EML6: variants seen among roughly 807,000 people sequenced by gnomAD.
EML6 encodes the protein echinoderm microtubule-associated protein-like 6.
A neutral mutation model predicts 240.1 loss-of-function variants in EML6; 154 were observed. That is an observed-to-expected ratio of 0.64 (90% CI 0.56 to 0.73). The LOEUF (loss-of-function observed/expected upper bound fraction) is 0.73. EML6 is among the 30% of genes least tolerant of loss of function. EML6 has a pLI of 0.00. For missense variants in EML6, 2,964 were observed against 2,474.6 expected (o/e 1.20, Z -4.20); for synonymous variants, 1,148 against 899.0 (o/e 1.28, Z -4.95).
chr2:54,853,153 C>G (rs575422204), intron 10 of EML6, among the ~76,000 whole-genome samples: 1 of 152,150 alleles, frequency 6.6e-6, no homozygotes, highest in Admixed American at 6.5e-5. Flanking sequence ...AATAGAAGTT[C>G]AGGATGAACT....
intron 22 of EML6, among the ~76,000 whole-genome samples, chr2:54,900,724 A>T (rs1673011244): frequency 6.6e-6 from 1 of 152,208 alleles, no homozygotes; most frequent in African/African-American, 2.4e-5. Flanking sequence ...AGTCAACCTG[A>T]AACCAGAGGA....
At chr2:54,925,531 C>T (rs941258787) in intron 26 of EML6, among the ~76,000 whole-genome samples, 4 of 152,184 alleles carry the variant, frequency 2.6e-5, no homozygotes, top group African/African-American at 9.6e-5. Context: ...TATCTTGGCT[C>T]TTTTTCTCAT....
intron 24 of EML6, among the ~76,000 whole-genome samples, chr2:54,909,471 G>A (rs933866191): frequency 6.6e-6 from 1 of 152,202 alleles, no homozygotes; most frequent in South Asian, 2.1e-4. Context: ...CACCAAATTA[G>A]AAATGATTAA....
intron 13 of EML6, among the ~76,000 whole-genome samples, chr2:54,864,358 TTAAAG>T (rs1302673249): frequency 2.0e-5 from 3 of 152,200 alleles, no homozygotes; most frequent in Non-Finnish European, 2.9e-5. Flanking sequence ...AATTATCTAC[TTAAAG>T]TAAAAGCTCA....
chr2:54,818,803 C>A (rs942194498), intron 4 of EML6, among the ~76,000 whole-genome samples: 3 of 152,150 alleles, frequency 2.0e-5, no homozygotes, highest in African/African-American at 7.2e-5. Flanking sequence ...ATTTGGAACA[C>A]TGTTCTCCCA....
At chr2:54,938,956 C>G (rs1046747687) in intron 28 of EML6, among the ~76,000 whole-genome samples, 118 of 152,172 alleles carry the variant, frequency 7.8e-4, no homozygotes, top group African/African-American at 2.8e-3. Context: ...CAGGGTTACA[C>G]GTAAAGCTCT....
At chr2:54,812,363 G>A (rs1277013392) in intron 2 of EML6, among the ~76,000 whole-genome samples, 4 of 151,758 alleles carry the variant, frequency 2.6e-5, no homozygotes, top group African/African-American at 9.7e-5. Context: ...GTGTTAAGCA[G>A]ATACTGAAAA....
At chr2:54,820,499 T>C in intron 5 of EML6, 37 bp downstream of exon 5, 1 of 1,238,166 alleles carries the variant, frequency 8.1e-7, no homozygotes, top group Non-Finnish European at 1.1e-6. Flanking sequence ...GTACCTTGAG[T>C]GCAAATAATT....
intron 11 of EML6, among the ~76,000 whole-genome samples, chr2:54,858,355 A>G (rs1670498468): frequency 1.3e-5 from 2 of 152,210 alleles, no homozygotes; most frequent in African/African-American, 4.8e-5. Context: ...ATTTGTGGAC[A>G]TATTTTTAAA....
intron 29 of EML6, among the ~76,000 whole-genome samples, chr2:54,950,284 G>GCCA (rs1157381514): frequency 6.6e-6 from 1 of 152,178 alleles, no homozygotes; most frequent in East Asian, 1.9e-4. Context: ...AAACCTCTGA[G>GCCA]CCACCATTCA....
intron 17 of EML6, chr2:54,879,961 C>T (rs1408372070): frequency 1.4e-5 from 3 of 221,218 alleles, no homozygotes; most frequent in African/African-American, 6.9e-5. Context: ...GGTGCCTTGC[C>T]CCTTGTTTTT....
chr2:54,791,218 A>G (rs914576178), intron 2 of EML6, among the ~76,000 whole-genome samples: 1 of 152,194 alleles, frequency 6.6e-6, no homozygotes, highest in African/African-American at 2.4e-5. Context: ...GTGGGAACAC[A>G]GATGATGCCA....
chr2:54,939,914 C>G (rs1377940003), intron 28 of EML6, among the ~76,000 whole-genome samples: 2 of 152,198 alleles, frequency 1.3e-5, no homozygotes, highest in African/African-American at 4.8e-5. Flanking sequence ...CGGCCCGGCA[C>G]AAGCAAACAC....
At chr2:54,756,158 A>G (rs1469379885) in intron 2 of EML6, among the ~76,000 whole-genome samples, 1 of 152,238 alleles carries the variant, frequency 6.6e-6, no homozygotes, top group East Asian at 1.9e-4. Flanking sequence ...TGGGCTCTGC[A>G]CTGCAAATTG....
intron 28 of EML6, 69 bp downstream of exon 28, chr2:54,928,820 C>A (rs17418194): frequency 1.3e-6 from 2 of 1,532,816 alleles, no homozygotes; most frequent in Non-Finnish European, 1.8e-6. Context: ...AGCCAGAGTG[C>A]GTTTTCTTTG....
At chr2:54,810,570 A>G (rs1053089410) in intron 2 of EML6, among the ~76,000 whole-genome samples, 4 of 152,224 alleles carry the variant, frequency 2.6e-5, no homozygotes, top group Non-Finnish European at 5.9e-5. Flanking sequence ...GCAAAATAGT[A>G]TAATTTATAT....
intron 2 of EML6, among the ~76,000 whole-genome samples, chr2:54,769,354 G>T (rs763784800): frequency 6.6e-6 from 1 of 152,186 alleles, no homozygotes; most frequent in African/African-American, 2.4e-5. Context: ...TAGAGAAGCA[G>T]ATTTTAATAC....
intron 7 of EML6, among the ~76,000 whole-genome samples, chr2:54,842,539 T>G (rs115753982): frequency 0.011 from 1,710 of 151,822 alleles, 18 homozygotes; most frequent in Non-Finnish European, 0.012. Context: ...AGAGCAGGAG[T>G]AGAGGCCAAG....
At chr2:54,759,476 AT>A in intron 2 of EML6, among the ~76,000 whole-genome samples, 1 of 152,136 alleles carries the variant, frequency 6.6e-6, no homozygotes, top group African/African-American at 2.4e-5. Context: ...CAATAATATT[AT>A]TTGCTAATAT....
Sources: allele counts gnomAD v4.1 joint callset (sites outside exome capture counted in the v4.1 genomes callset), GRCh38; gene constraint gnomAD v4.1.1; transcripts MANE v1.5; gene names NCBI Gene and HGNC (gene_info 2026-07-23, HGNC 2026-07-21).